The following ZFYVE26 variants were observed in gnomAD, a reference collection of about 807,000 sequenced individuals.
ZFYVE26 encodes the protein zinc finger FYVE-type containing 26.
A neutral mutation model predicts 276.5 loss-of-function variants in ZFYVE26; 181 were observed. The ratio of observed to expected loss-of-function variants is 0.65; its 90% CI spans 0.58 to 0.74. The LOEUF (loss-of-function observed/expected upper bound fraction) is 0.74. Ranked by LOEUF, ZFYVE26 falls within the 30% of genes least tolerant of loss-of-function variation. ZFYVE26 has a pLI of 0.00. For synonymous variants in ZFYVE26, 1,129 were observed against 1,203.1 expected, an observed-to-expected ratio of 0.94 and a Z score of 1.27; for missense variants, 2,821 against 3,097.9, an observed-to-expected ratio of 0.91 and a Z score of 2.12.
At chr14:67,753,599 T>C (rs890554782) in intron 39 of ZFYVE26, 108 bp downstream of exon 39, 30 of 1,233,620 alleles carry the variant, frequency 2.4e-5, no homozygotes, top group South Asian at 1.3e-5. Flanking sequence ...CTAATGTGCA[T>C]GTAAATCCAC....
intron 13 of ZFYVE26, among the ~76,000 whole-genome samples, chr14:67,741,500 A>G (rs1294127181): frequency 6.6e-6 from 1 of 152,136 alleles, no homozygotes; most frequent in African/African-American, 2.4e-5. Flanking sequence ...GAGAAGAGGG[A>G]CCTTTGATGT....
chr14:67,762,207 G>T lies in ZFYVE26; in HGVS notation c.6365C>A (p.Ser2122Tyr), dbSNP rs2038949707. Residue 2122 changes from serine (S) to tyrosine (Y), a missense_variant, in exon 34 of 42, where the codon TCC becomes TAC. Physicochemically the swap from Ser to Tyr is moderately radical, Grantham distance 144. Coordinates refer to ENST00000347230, the MANE Select transcript of ZFYVE26 (RefSeq NM_015346.4). Reference protein sequence around the residue: ...YLESTVRPFVSLQDDDYFATL... With the variant: ...YLESTVRPFVYLQDDDYFATL... ...CTCTTCCTGCCTTGCTCTTACCAAG[G>T]ATACAAAGGGCCTCACTGTGGACTC... The T allele has an allele frequency of 1.2e-6, 2 of 1,614,056 alleles. No homozygotes were observed.
At chr14:67,749,239 G>A (rs1465730209) in intron 41 of ZFYVE26, among the ~76,000 whole-genome samples, 1 of 152,144 alleles carries the variant, frequency 6.6e-6, no homozygotes, top group Admixed American at 6.5e-5. Context: ...TCGGCCAGCT[G>A]AATCTAAAGT....
At chr14:67,769,564 A>T in intron 29 of ZFYVE26, 30 bp downstream of exon 29, 1 of 1,611,766 alleles carries the variant, frequency 6.2e-7, no homozygotes, top group African/African-American at 1.3e-5. Context: ...GCGGTCAATA[A>T]TAGCAACAGC....
chr14:67,781,443 G>A lies in ZFYVE26; in HGVS notation c.4459C>T (p.Leu1487=). ...GCCAGAATCTCCAGGCATGACTCCA[G>A]GGGCCACCTGTCCACAAACTGTAGG... ...LALQFVDRWP[L]ESCLEILAYC... is the part of the protein sequence containing the mutation. The change falls in exon 22 of 42, where the codon CTG becomes TTG. Residue 1487 remains leucine (L), a synonymous_variant. Transcript: ENST00000347230. The A allele has an allele frequency of 2.5e-6, 4 of 1,614,186 alleles. No homozygotes were observed. Among genetic ancestry groups the A allele is most frequent in the Non-Finnish European group, 3.4e-6 (4 of 1,180,032 alleles).
chr14:67,814,571 A>AGCTT (rs2040364643), intron 2 of ZFYVE26, among the ~76,000 whole-genome samples: 2 of 151,838 alleles, frequency 1.3e-5, no homozygotes, highest in Admixed American at 6.6e-5. Context: ...ACCAGAACAG[A>AGCTT]GCTAGCAGCT....
Position 67,775,928 on chromosome 14 carries a change from T to C in ZFYVE26, c.5153A>G (p.Asp1718Gly). ...CTCTGCGTATCTGGAAAGCAGTGAG[T>C]CCACCTCGTCCATAGTGAAGCCAAT... ...QEIGFTMDEV[D>G]SLLSRYAEKA... Residue 1718 changes from aspartate (D) to glycine (G), a missense_variant, in exon 26 of 42, where the codon GAC becomes GGC. Transcript: ENST00000347230. The C allele has an allele frequency of 6.2e-7, 1 of 1,614,182 alleles. No homozygotes were observed. The highest frequency in any genetic ancestry group is 8.5e-7 in the Non-Finnish European group (1 of 1,180,018).
chr14:67,814,871 A>G (rs1357100825), intron 2 of ZFYVE26, among the ~76,000 whole-genome samples: 1 of 152,262 alleles, frequency 6.6e-6, no homozygotes, highest in Non-Finnish European at 1.5e-5. Flanking sequence ...AAGTTTCTCC[A>G]TCGTATATGT....
chr14:67,778,488 T>G (rs139312065), intron 23 of ZFYVE26, among the ~76,000 whole-genome samples: 1 of 152,144 alleles, frequency 6.6e-6, no homozygotes, highest in Non-Finnish European at 1.5e-5. Flanking sequence ...TCTAAGGAAG[T>G]GGGAAAGACT....
chr14:67,742,461 C>T (rs911340682), downstream of ZFYVE26, among the ~76,000 whole-genome samples: 6 of 152,206 alleles, frequency 3.9e-5, no homozygotes, highest in Non-Finnish European at 7.3e-5. Flanking sequence ...ATCCTAGGCT[C>T]TGTATCTGCT....
In ZFYVE26 at chr14:67,755,345, CCTT is replaced by C. The variant is rs1173922660; in HGVS notation, c.6787-98_6787-96del. 6 of 1,434,780 alleles carry C rather than the reference CCTT, an allele frequency of 4.2e-6. No individual in the cohort carries two copies. In the Admixed American group the frequency reaches 1.1e-4, roughly 26 times the overall value. The allele number at this position is 1,434,780 out of a possible 1,614,324, so 88.9% of individuals were successfully genotyped here. On this transcript the variant is annotated intron_variant, in intron 36 of 41. Coordinates refer to ENST00000347230, the MANE Select transcript of ZFYVE26 (RefSeq NM_015346.4). ...TCTCATCTGATTTCTGCCTATGAGA[CCTT>C]GTTTCCAGCACCCACTCCCACCACC...
downstream of ZFYVE26, among the ~76,000 whole-genome samples, chr14:67,745,320 G>A (rs2038468603): frequency 6.6e-6 from 1 of 151,940 alleles, no homozygotes; most frequent in Non-Finnish European, 1.5e-5. Flanking sequence ...TTTGTCAGAT[G>A]GATAGATTTA....
chr14:67,783,397 C>T lies in ZFYVE26; in HGVS notation c.3755G>A (p.Arg1252His), dbSNP rs201203611. The T allele has an allele frequency of 2.4e-5, 38 of 1,613,974 alleles. No individual in the cohort carries two copies. The highest frequency in any genetic ancestry group is 6.6e-5 in the South Asian group (6 of 91,078). The change falls in exon 21 of 42, where the codon CGT (arginine) becomes CAT (histidine). Residue 1252 changes from arginine (R) to histidine (H), a missense_variant. Arg to His is a conservative substitution (Grantham distance 29, BLOSUM62 0). Coordinates refer to ENST00000347230, the MANE Select transcript of ZFYVE26 (RefSeq NM_015346.4). ...GTGTAGCTGGGCCAGAGTACCCAGA[C>T]GAGTCAGGAGGGAGGAGGTCTGCTG... ...QSQQTSSLLTRLGTLAQLHAS... is the reference protein window; with the variant it reads ...QSQQTSSLLTHLGTLAQLHAS...
At chr14:67,768,461 T>G in intron 30 of ZFYVE26, 56 bp downstream of exon 30, 1 of 1,583,592 alleles carries the variant, frequency 6.3e-7, no homozygotes, top group Non-Finnish European at 8.7e-7. Flanking sequence ...ATGCTGAAGA[T>G]AGAGTCAACT....
chr14:67,731,207 CTTTTTTT>C (rs71129853), intron 13 of ZFYVE26, among the ~76,000 whole-genome samples: 110 of 90,610 alleles, frequency 1.2e-3, no homozygotes, highest in African/African-American at 5.1e-3. Flanking sequence ...TTCTTTCTTT[CTTTTTTT>C]TTTTTTTTTT....
At chr14:67,746,309 A>T (rs2038487772), downstream of ZFYVE26, among the ~76,000 whole-genome samples, 1 of 151,778 alleles carries the variant, frequency 6.6e-6, no homozygotes, top group Non-Finnish European at 1.5e-5. Context: ...GCAAAAAAAA[A>T]AGTTTTCTGG....
chr14:67,757,674 CTT>C (rs1335609359), intron 35 of ZFYVE26, among the ~76,000 whole-genome samples: 5 of 139,988 alleles, frequency 3.6e-5, no homozygotes, highest in Non-Finnish European at 7.5e-5. Flanking sequence ...TTCTTTCTTT[CTT>C]TCTTTCTCTC....
intron 3 of ZFYVE26, 41 bp from the exon 4 acceptor site, chr14:67,809,330 T>A: frequency 7.1e-7 from 1 of 1,402,070 alleles, no homozygotes; most frequent in Non-Finnish European, 1.0e-6. Flanking sequence ...ATGAGATATA[T>A]GTTTTAGTTA....
chr14:67,804,097 T>G lies in ZFYVE26; in HGVS notation c.1435+4A>C, dbSNP rs1447119354. ...CCTGGCCAGGTCATTCCATCCCAAC[T>G]CACCAGGCTCTTGCTGGGGGTCCTT... On this transcript the variant is annotated splice_donor_region_variant and intron_variant, in intron 9 of 41. Transcript: ENST00000347230. The G allele has an allele frequency of 6.2e-7, 1 of 1,614,052 alleles. No homozygotes were observed. Among genetic ancestry groups the G allele is most frequent in the Non-Finnish European group, 8.5e-7 (1 of 1,180,018 alleles).
Sources: allele counts gnomAD v4.1 joint callset (sites outside exome capture counted in the v4.1 genomes callset), GRCh38; gene constraint gnomAD v4.1.1; transcripts MANE v1.5; gene names NCBI Gene and HGNC (gene_info 2026-07-23, HGNC 2026-07-21).